The following MOB3B variants were observed in gnomAD, a reference collection of about 807,000 sequenced individuals.
MOB3B encodes the protein MOB kinase activator 3B, also known as MOB kinase activator-like 2B.
A neutral mutation model predicts 18.7 loss-of-function variants in MOB3B; 7 were observed. The observed-to-expected ratio is 0.37, with a 90% confidence interval of 0.21 to 0.70. MOB3B has a LOEUF of 0.70. Ranked by LOEUF, MOB3B falls within the 30% of genes least tolerant of loss-of-function variation. MOB3B has a pLI of 0.52. For missense variants in MOB3B, 253 were observed against 281.3 expected (o/e 0.90, Z 0.72); for synonymous variants, 111 against 99.9 (o/e 1.11, Z -0.66).
chr9:27,447,563 T>C (rs1354002414), intron 2 of MOB3B, among the ~76,000 whole-genome samples: 1 of 152,236 alleles, frequency 6.6e-6, no homozygotes, highest in Non-Finnish European at 1.5e-5. Context: ...GAGAATCCAG[T>C]GCAGGTCCGG....
rs552709170 is a variant in MOB3B, at chr9:27,413,086, C to T, written c.418+42047G>A. The stretch of plus-strand genomic sequence containing the variant: ...CTATCTTCTGTCTCCTGCTCCCACC[C>T]TATGCTTTGACCCAGGCAGGGCCCA... On this transcript the variant is annotated intron_variant, in intron 2 of 3. Coordinates refer to ENST00000262244, the MANE Select transcript of MOB3B (RefSeq NM_024761.5). Among the ~76,000 whole-genome samples the T allele has an allele frequency of 9.5e-4, 145 of 152,322 alleles. 2 individuals carry two copies. Among genetic ancestry groups the T allele is most frequent in the Middle Eastern group, 3.4e-3 (1 of 294 alleles).
At chr9:27,368,526 G>A (rs1821369820) in intron 2 of MOB3B, among the ~76,000 whole-genome samples, 1 of 152,156 alleles carries the variant, frequency 6.6e-6, no homozygotes, top group African/African-American at 2.4e-5. Flanking sequence ...GTCATGCCAA[G>A]GAAAACAATC....
At chr9:27,333,733 G>A (rs146480715) in intron 3 of MOB3B, among the ~76,000 whole-genome samples, 2 of 152,250 alleles carry the variant, frequency 1.3e-5, no homozygotes, top group East Asian at 1.9e-4. Context: ...GTGGTCACTC[G>A]GTTTCATTTG....
intron 3 of MOB3B, among the ~76,000 whole-genome samples, chr9:27,342,060 T>A (rs1173564102): frequency 6.6e-6 from 1 of 152,202 alleles, no homozygotes; most frequent in African/African-American, 2.4e-5. Flanking sequence ...TTTATTGGAG[T>A]AAGCCACACC....
intron 1 of MOB3B, among the ~76,000 whole-genome samples, chr9:27,486,769 A>G (rs1169969853): frequency 6.6e-6 from 1 of 152,212 alleles, no homozygotes; most frequent in Non-Finnish European, 1.5e-5. Flanking sequence ...GTTCATATGA[A>G]TCTAAACAGG....
At chr9:27,463,019 G>A (rs924890145) in intron 1 of MOB3B, among the ~76,000 whole-genome samples, 3 of 152,188 alleles carry the variant, frequency 2.0e-5, no homozygotes, top group African/African-American at 7.2e-5. Flanking sequence ...GCTTTTGCAG[G>A]GTTGCTGCAA....
chr9:27,358,891 A>G (rs941300145), intron 3 of MOB3B, 143 bp downstream of exon 3: 1 of 863,704 alleles, frequency 1.2e-6, no homozygotes, highest in African/African-American at 1.6e-5. Context: ...CTGTTAGTTG[A>G]CCACTAAACC....
rs956674617 is a variant in MOB3B at position 27,480,814 on chromosome 9, A to G, written c.-198-25066T>C. ...ATGAGACATATACAGACAAAATATG[A>G]AAAAAAGAAGGAATTTTAAGGATGT... On this transcript the variant is annotated intron_variant, in intron 1 of 3. Transcript: ENST00000262244. Among the ~76,000 whole-genome samples, 4 of 152,228 alleles carry G rather than the reference A, an allele frequency of 2.6e-5. No homozygotes were observed. The East Asian group carries it at 7.7e-4, about 29-fold the overall frequency.
chr9:27,479,483 C>T (rs900930456), intron 1 of MOB3B, among the ~76,000 whole-genome samples: 5 of 151,648 alleles, frequency 3.3e-5, no homozygotes, highest in African/African-American at 7.3e-5. Context: ...ATATTCATAC[C>T]AAAAAAGAGA....
chr9:27,478,220 A>C (rs1041458531), intron 1 of MOB3B, among the ~76,000 whole-genome samples: 1 of 152,226 alleles, frequency 6.6e-6, no homozygotes, highest in Admixed American at 6.5e-5. Flanking sequence ...AAATATTTTC[A>C]TAACTCAGGA....
rs181947207 is a variant in MOB3B, at chr9:27,476,492, T to C, written c.-198-20744A>G. ...TTTTCCCTTTTTATGAGGATAGCAG[T>C]CATTTTAGATTAGAGGCCCACCCGA... On this transcript the variant is annotated intron_variant, in intron 1 of 3. Coordinates refer to ENST00000262244, the MANE Select transcript of MOB3B (RefSeq NM_024761.5). Among the ~76,000 whole-genome samples the C allele has an allele frequency of 2.1e-3, 322 of 152,344 alleles. 2 individuals are homozygous for C. The highest frequency in any genetic ancestry group is 6.8e-3 in the Middle Eastern group (2 of 294).
chr9:27,437,838 T>C (rs1822535094), intron 2 of MOB3B, among the ~76,000 whole-genome samples: 1 of 152,198 alleles, frequency 6.6e-6, no homozygotes, highest in Non-Finnish European at 1.5e-5. Context: ...ACTGATGTGT[T>C]TTTAGGCTGG....
chr9:27,495,808 G>C (rs1819889455), intron 1 of MOB3B, among the ~76,000 whole-genome samples: 1 of 152,162 alleles, frequency 6.6e-6, no homozygotes, highest in African/African-American at 2.4e-5. Context: ...AGAACTATCA[G>C]GAAAGATTAA....
At chr9:27,421,502 A>C (rs1822249230) in intron 2 of MOB3B, 1 of 152,282 alleles carries the variant, frequency 6.6e-6, no homozygotes, top group African/African-American at 2.4e-5. Context: ...TGCTCCTTTC[A>C]AACCACGCAG....
intron 1 of MOB3B, among the ~76,000 whole-genome samples, chr9:27,479,872 A>G (rs955317914): frequency 1.3e-5 from 2 of 152,310 alleles, no homozygotes; most frequent in Middle Eastern, 3.4e-3. Context: ...CCTGGGCAAC[A>G]TAGTGAGACC....
intron 1 of MOB3B, among the ~76,000 whole-genome samples, chr9:27,458,092 A>C (rs1266387447): frequency 6.6e-6 from 1 of 152,240 alleles, no homozygotes; most frequent in Admixed American, 6.5e-5. Flanking sequence ...TGACAGTAAA[A>C]CAGTAACCAC....
At chr9:27,379,338 T>G (rs1821539472) in intron 2 of MOB3B, among the ~76,000 whole-genome samples, 1 of 152,130 alleles carries the variant, frequency 6.6e-6, no homozygotes, top group South Asian at 2.1e-4. Flanking sequence ...ACTCTGAAAT[T>G]CTATGACTTG....
At chr9:27,412,576 G>C (rs1822086969) in intron 2 of MOB3B, among the ~76,000 whole-genome samples, 2 of 151,858 alleles carry the variant, frequency 1.3e-5, no homozygotes, top group African/African-American at 4.8e-5. Context: ...CCCTTTTCTT[G>C]TTTCTAAATT....
chr9:27,510,138 T>C (rs1370653874), intron 1 of MOB3B, among the ~76,000 whole-genome samples: 47 of 152,190 alleles, frequency 3.1e-4, no homozygotes, highest in Non-Finnish European at 2.9e-5. Context: ...AGTGACTCAT[T>C]TGATGAAAAT....
Sources: allele counts gnomAD v4.1 joint callset (sites outside exome capture counted in the v4.1 genomes callset), GRCh38; gene constraint gnomAD v4.1.1; transcripts MANE v1.5; gene names NCBI Gene and HGNC (gene_info 2026-07-23, HGNC 2026-07-21).